The following DEFB131B variants were observed in gnomAD, a reference collection of about 807,000 sequenced individuals.
The protein encoded by DEFB131B is defensin beta 131B, also known as beta-defensin 131B.
DEFB131B carries 2 observed loss-of-function variants against 2.1 expected under a neutral mutation model. The ratio of observed to expected loss-of-function variants is 0.94; its 90% CI spans 0.38 to 2.95. The LOEUF is 2.95. Ranked by LOEUF, DEFB131B falls within the 30% of genes most tolerant of loss-of-function variation. The probability of loss-of-function intolerance (pLI) is 0.09; values close to 1 mark genes in which losing one functional copy is unlikely to be tolerated. For missense variants in DEFB131B, 77 were observed against 78.5 expected (o/e 0.98, Z 0.07); for synonymous variants, 26 against 25.8 (o/e 1.01, Z -0.03).
At chr11:71,882,203 T>C (rs1952569476) in intron 1 of DEFB131B, among the ~76,000 whole-genome samples, 1 of 148,114 alleles carries the variant, frequency 6.8e-6, no homozygotes, top group African/African-American at 2.6e-5. Context: ...AAGTGAAATA[T>C]TTAAAATGTT....
At chr11:71,879,005 AT>A (rs1221578289) in intron 1 of DEFB131B, among the ~76,000 whole-genome samples, 3 of 152,182 alleles carry the variant, frequency 2.0e-5, no homozygotes, top group Non-Finnish European at 4.4e-5. Flanking sequence ...GTCTCAAAAA[AT>A]AATCATAAAA....
rs184688973 is a variant in DEFB131B, at chr11:71,883,352, T to C, written c.59-1055T>C. Reference sequence around the variant, plus strand: ...CTAATTTCAAAATGTATTATAAAGATAGAGTAATCAAAACTGTGTGCTACT... The same window carrying C: ...CTAATTTCAAAATGTATTATAAAGACAGAGTAATCAAAACTGTGTGCTACT... On this transcript the variant is annotated intron_variant, in intron 1 of 1. Transcript: ENST00000530210. 4.7e-3 allele frequency among the ~76,000 whole-genome samples: 720 copies of C among 152,242 alleles called. 6 individuals are homozygous for C. The highest frequency in any genetic ancestry group is 0.017 in the African/African-American group (688 of 41,528).
intron 1 of DEFB131B, among the ~76,000 whole-genome samples, chr11:71,882,030 CA>C (rs1952566786): frequency 6.6e-6 from 1 of 151,136 alleles, no homozygotes; most frequent in African/African-American, 2.4e-5. Context: ...AAGATAAATA[CA>C]AAAAATTTAA....
At chr11:71,878,842 T>C (rs1952541978) in intron 1 of DEFB131B, among the ~76,000 whole-genome samples, 1 of 147,886 alleles carries the variant, frequency 6.8e-6, no homozygotes, top group Non-Finnish European at 1.5e-5. Context: ...AAAAAAAAAA[T>C]ACAAAAAATT....
chr11:71,884,115 T>C (rs1952597977), intron 1 of DEFB131B, among the ~76,000 whole-genome samples: 1 of 152,220 alleles, frequency 6.6e-6, no homozygotes, highest in Admixed American at 6.5e-5. Context: ...TATGAATCTC[T>C]ACACCACCCC....
intron 1 of DEFB131B, among the ~76,000 whole-genome samples, chr11:71,882,455 C>G (rs1565119145): frequency 6.6e-6 from 1 of 152,016 alleles, no homozygotes. Context: ...GGTCTTGAAC[C>G]CCTGACCCCA....
chr11:71,884,489 T>C lies in DEFB131B; in HGVS notation c.141T>C (p.Ile47=). 6.2e-7 allele frequency: 1 copy of C among 1,610,730 alleles called. No individual in the cohort carries two copies. The highest frequency in any genetic ancestry group is 1.1e-5 in the South Asian group (1 of 90,778). The change falls in exon 2 of 2, where the codon ATT becomes ATC. Residue 47 remains isoleucine (I), a synonymous_variant. Coordinates refer to ENST00000530210, the MANE Select transcript of DEFB131B (RefSeq NM_001242853.1). ...RLKCNADEHA[I]RYCADFSICC... ...AGTGCAATGCTGATGAACATGCAAT[T>C]AGATACTGTGCTGACTTCAGCATCT...
intron 1 of DEFB131B, among the ~76,000 whole-genome samples, chr11:71,880,671 C>T (rs951462650): frequency 3.3e-5 from 5 of 152,094 alleles, no homozygotes; most frequent in African/African-American, 1.2e-4. Context: ...TCTCTTAGCA[C>T]TGTCTTTGTT....
chr11:71,884,519 C>T lies in DEFB131B; in HGVS notation c.171C>T (p.Cys57=). The T allele has an allele frequency of 6.2e-7, 1 of 1,609,180 alleles. No homozygotes were observed. Among genetic ancestry groups the T allele is most frequent in the Non-Finnish European group, 8.5e-7 (1 of 1,178,218 alleles). Residue 57 remains cysteine (C), a synonymous_variant, in exon 2 of 2, where the codon TGC becomes TGT. Coordinates refer to ENST00000530210, the MANE Select transcript of DEFB131B (RefSeq NM_001242853.1). ...IRYCADFSIC[C]KLKIIQIDGQ... ...ACTGTGCTGACTTCAGCATCTGCTGCAAACTGAAGATCATTCAAATTGATG... is the reference window on the plus strand; with the variant it reads ...ACTGTGCTGACTTCAGCATCTGCTGTAAACTGAAGATCATTCAAATTGATG...
chr11:71,883,089 AAAG>A (rs1387678995), intron 1 of DEFB131B, among the ~76,000 whole-genome samples: 1 of 152,228 alleles, frequency 6.6e-6, no homozygotes, highest in African/African-American at 2.4e-5. Context: ...GAAAGAAATT[AAAG>A]AAGACACAAA....
At chr11:71,883,582 A>G (rs1227440089) in intron 1 of DEFB131B, among the ~76,000 whole-genome samples, 1 of 152,212 alleles carries the variant, frequency 6.6e-6, no homozygotes, top group African/African-American at 2.4e-5. Flanking sequence ...CTACACACAA[A>G]AAGCAATTCA....
At chr11:71,878,817 C>A (rs1311095096) in intron 1 of DEFB131B, among the ~76,000 whole-genome samples, 1 of 150,660 alleles carries the variant, frequency 6.6e-6, no homozygotes, top group East Asian at 1.9e-4. Context: ...AGGGTGAAAC[C>A]CCATCTCTAC....
intron 1 of DEFB131B, among the ~76,000 whole-genome samples, chr11:71,879,392 A>AT: frequency 6.6e-6 from 1 of 152,334 alleles, no homozygotes; most frequent in Middle Eastern, 3.4e-3. Flanking sequence ...TAATTTTAAA[A>AT]TTCATCAATA....
At chr11:71,882,728 T>G (rs1952578503) in intron 1 of DEFB131B, among the ~76,000 whole-genome samples, 1 of 152,202 alleles carries the variant, frequency 6.6e-6, no homozygotes, top group African/African-American at 2.4e-5. Flanking sequence ...TTAACATGAT[T>G]CTAAAAGTTC....
intron 1 of DEFB131B, among the ~76,000 whole-genome samples, chr11:71,879,238 T>A (rs1171523924): frequency 6.6e-6 from 1 of 152,156 alleles, no homozygotes; most frequent in African/African-American, 2.4e-5. Flanking sequence ...TAAAGTTGAA[T>A]AAAACTCATA....
At chr11:71,884,205 T>A (rs1377797026) in intron 1 of DEFB131B, 4 of 487,522 alleles carry the variant, frequency 8.2e-6, no homozygotes, top group Non-Finnish European at 1.4e-5. Flanking sequence ...AACTACTGCC[T>A]CATTTACTAC....
chr11:71,880,505 C>T (rs1186320886), intron 1 of DEFB131B, among the ~76,000 whole-genome samples: 5 of 152,128 alleles, frequency 3.3e-5, no homozygotes, highest in Non-Finnish European at 2.9e-5. Flanking sequence ...TTTTAAATCT[C>T]GAATTCACTT....
chr11:71,882,537 C>T (rs618186), intron 1 of DEFB131B, among the ~76,000 whole-genome samples: 31,916 of 152,160 alleles, frequency 0.21, 6,301 homozygotes, highest in African/African-American at 0.52. Flanking sequence ...AGCCTACCCT[C>T]TAAATTAAAG....
chr11:71,883,878 C>G (rs1952595196), intron 1 of DEFB131B, among the ~76,000 whole-genome samples: 1 of 152,178 alleles, frequency 6.6e-6, no homozygotes, highest in Admixed American at 6.5e-5. Context: ...GACCCCTTCT[C>G]TCAATTAAGG....
Sources: gnomAD v4.1 joint callset for allele counts (sites outside exome capture counted in the v4.1 genomes callset) on GRCh38, gnomAD v4.1.1 for gene constraint, MANE v1.5 for transcripts, NCBI Gene and HGNC (gene_info 2026-07-23, HGNC 2026-07-21) for gene names.